MAP7: variants seen among roughly 807,000 people sequenced by gnomAD.
MAP7 encodes the protein ensconsin.
Under a neutral mutation model 94.8 loss-of-function variants are expected in MAP7, and 52 were observed. The observed-to-expected ratio is 0.55, with a 90% CI of 0.44 to 0.69. MAP7 has a LOEUF of 0.69. Among genes scored for constraint, MAP7 ranks in the 30% least tolerant of loss-of-function variants. The pLI is 0.00. For synonymous variants in MAP7, 350 were observed against 357.0 expected (o/e 0.98, Z 0.22); for missense variants, 940 against 964.6 (o/e 0.97, Z 0.34).
intron 1 of MAP7, among the ~76,000 whole-genome samples, chr6:136,502,110 C>T (rs558299132): frequency 1.3e-5 from 2 of 152,322 alleles, no homozygotes; most frequent in South Asian, 4.1e-4. Context: ...CCAATTTTGA[C>T]TTTAAAATTA....
intron 1 of MAP7, among the ~76,000 whole-genome samples, chr6:136,489,154 C>T (rs892851233): frequency 8.1e-5 from 12 of 147,490 alleles, no homozygotes; most frequent in Non-Finnish European, 1.8e-4. Flanking sequence ...CTCTACCTTC[C>T]AAGAGTAGAC....
intron 3 of MAP7, among the ~76,000 whole-genome samples, chr6:136,397,770 T>C (rs1782935986): frequency 6.6e-6 from 1 of 152,134 alleles, no homozygotes; most frequent in Non-Finnish European, 1.5e-5. Flanking sequence ...AGCTACCCAG[T>C]CTATGGTATT....
intron 1 of MAP7, among the ~76,000 whole-genome samples, chr6:136,499,396 C>T (rs1178701763): frequency 6.6e-6 from 1 of 152,038 alleles, no homozygotes; most frequent in Non-Finnish European, 1.5e-5. Flanking sequence ...TGCGATAACC[C>T]CAAGGTAAGT....
At chr6:136,532,883 AAAC>A (rs2129056802) in intron 1 of MAP7, among the ~76,000 whole-genome samples, 2 of 152,354 alleles carry the variant, frequency 1.3e-5, no homozygotes, top group South Asian at 4.1e-4. Context: ...TAAATCACAG[AAAC>A]AACTGAACCT....
intron 1 of MAP7, among the ~76,000 whole-genome samples, chr6:136,462,276 G>T (rs565388180): frequency 2.2e-4 from 33 of 152,132 alleles, no homozygotes; most frequent in East Asian, 1.9e-4. Flanking sequence ...CTATGAGAAA[G>T]GATTGGGGGC....
chr6:136,522,207 G>C (rs1826582376), intron 1 of MAP7, among the ~76,000 whole-genome samples: 1 of 152,168 alleles, frequency 6.6e-6, no homozygotes, highest in South Asian at 2.1e-4. Context: ...GCATTACAAG[G>C]AGGCTTGAGG....
intron 1 of MAP7, among the ~76,000 whole-genome samples, chr6:136,447,095 T>C (rs1253472770): frequency 6.6e-6 from 1 of 152,206 alleles, no homozygotes; most frequent in Admixed American, 6.5e-5. Flanking sequence ...TCCTTTTCAA[T>C]CTGTATCATG....
intron 1 of MAP7, among the ~76,000 whole-genome samples, chr6:136,476,619 G>A (rs11154872): frequency 0.66 from 100,285 of 152,104 alleles, 37,641 homozygotes; most frequent in South Asian, 0.84. Context: ...CGTATGACTA[G>A]TGAATGGATG....
rs998425993 is a variant in MAP7 at position 136,408,991 on chromosome 6, G to A, written c.244+2629C>T. ...TATATTTGCATATATGCTCACTCCT[G>A]TATTTATGAAGATTGAAGGGAGCCT... is the stretch of plus-strand genomic sequence containing the variant. On this transcript the variant is annotated intron_variant, in intron 3 of 17. Coordinates refer to ENST00000354570, the MANE Select transcript of MAP7 (RefSeq NM_003980.6). 2.6e-5 allele frequency among the ~76,000 whole-genome samples: 4 copies of A among 151,204 alleles called. No individual in the cohort carries two copies. The East Asian group carries it at 5.8e-4, about 22-fold the overall frequency.
chr6:136,349,442 C>T (rs899070934), intron 16 of MAP7, among the ~76,000 whole-genome samples: 1 of 152,118 alleles, frequency 6.6e-6, no homozygotes, highest in East Asian at 1.9e-4. Context: ...GGTGCAATCA[C>T]GGCTTACTGC....
chr6:136,492,171 C>A (rs1427888142), intron 1 of MAP7, among the ~76,000 whole-genome samples: 1 of 152,178 alleles, frequency 6.6e-6, no homozygotes, highest in Non-Finnish European at 1.5e-5. Flanking sequence ...TAGTTAGATT[C>A]TCATAAGGAG....
intron 3 of MAP7, among the ~76,000 whole-genome samples, chr6:136,393,387 A>G (rs909731171): frequency 1.3e-5 from 2 of 152,148 alleles, no homozygotes; most frequent in African/African-American, 4.8e-5. Context: ...GGGAAGGGGA[A>G]AATGTCTAGT....
intron 1 of MAP7, among the ~76,000 whole-genome samples, chr6:136,480,696 C>T (rs1192942906): frequency 6.7e-6 from 1 of 149,040 alleles, no homozygotes; most frequent in Non-Finnish European, 1.5e-5. Flanking sequence ...GGAAACTCCC[C>T]AGAATATTGG....
intron 3 of MAP7, among the ~76,000 whole-genome samples, chr6:136,392,077 T>G (rs1451991786): frequency 1.4e-4 from 21 of 152,192 alleles, no homozygotes; most frequent in Admixed American, 1.4e-3. Context: ...CACTTACTGC[T>G]CTGCATCTTG....
chr6:136,359,925 G>A, intron 14 of MAP7, 48 bp from the exon 15 acceptor site: 1 of 1,607,866 alleles, frequency 6.2e-7, no homozygotes, highest in South Asian at 1.1e-5. Flanking sequence ...AGTTACAAGT[G>A]AAAATGAAAA....
chr6:136,389,339 C>CCG lies in MAP7; in HGVS notation c.408+14_408+15insCG. ...CTAGAGGAGCCACTCATATTCTTCCCGGGGGGCGGCTCACTTTGTCCTCCT... is the reference window on the plus strand; with the variant it reads ...CTAGAGGAGCCACTCATATTCTTCCCCGGGGGGGCGGCTCACTTTGTCCTCCT... On this transcript the variant is annotated intron_variant, in intron 4 of 17. Coordinates refer to ENST00000354570, the MANE Select transcript of MAP7 (RefSeq NM_003980.6). The CCG allele has an allele frequency of 6.6e-7, 1 of 1,519,412 alleles. No homozygotes were observed. The allele number at this position is 1,519,412 out of a possible 1,614,324, so 94.1% of individuals were successfully genotyped here.
At chr6:136,379,470 C>G (rs943224367) in intron 6 of MAP7, among the ~76,000 whole-genome samples, 4 of 152,082 alleles carry the variant, frequency 2.6e-5, no homozygotes, top group Non-Finnish European at 4.4e-5. Flanking sequence ...GCACCACGGG[C>G]TAAGTACTAT....
chr6:136,396,273 C>T (rs760226990), intron 3 of MAP7, among the ~76,000 whole-genome samples: 2 of 151,984 alleles, frequency 1.3e-5, no homozygotes, highest in African/African-American at 2.4e-5. Context: ...ACTTTTACCT[C>T]CTTCGTTACA....
intron 1 of MAP7, among the ~76,000 whole-genome samples, chr6:136,498,758 T>C (rs994171771): frequency 6.6e-6 from 1 of 151,946 alleles, no homozygotes; most frequent in Non-Finnish European, 1.5e-5. Flanking sequence ...AATGTGTGTG[T>C]GTGTGTGTGT....
Sources: allele counts gnomAD v4.1 joint callset (sites outside exome capture counted in the v4.1 genomes callset), GRCh38; gene constraint gnomAD v4.1.1; transcripts MANE v1.5; gene names NCBI Gene and HGNC (gene_info 2026-07-23, HGNC 2026-07-21).